Variants in CHLSN observed in about 807,000 individuals in gnomAD.
CHLSN encodes cholesin, also known as protein cholesin.
At chr7:1,063,035 G>C in the CHLSN span, among the ~76,000 whole-genome samples, 1 of 152,118 alleles carries the variant, frequency 6.6e-6, no homozygotes, top group African/African-American at 2.4e-5. Flanking sequence ...TGCCAAGCCT[G>C]AGCGTGTGAG....
At chr7:1,072,258 C>T in the CHLSN span, among the ~76,000 whole-genome samples, 3 of 152,330 alleles carry the variant, frequency 2.0e-5, no homozygotes, top group African/African-American at 7.2e-5. Context: ...CCCTTCTTCT[C>T]TCGCCACTCC....
At chr7:1,041,104 G>A in the CHLSN span, among the ~76,000 whole-genome samples, 1,280 of 151,974 alleles carry the variant, frequency 8.4e-3, 86 homozygotes, top group Admixed American at 0.074. Context: ...CTGTGCAGAC[G>A]GAATTTAGGA....
the CHLSN span, among the ~76,000 whole-genome samples, chr7:1,102,619 G>C: frequency 6.6e-6 from 1 of 151,786 alleles, no homozygotes; most frequent in African/African-American, 2.4e-5. Context: ...TTATTAAAAA[G>C]CTTTAAGAGA....
the CHLSN span, chr7:986,657 C>T: frequency 6.2e-7 from 1 of 1,612,740 alleles, no homozygotes; most frequent in South Asian, 1.1e-5. Context: ...CGGGGCCCTG[C>T]TCCAGCTGCA....
chr7:986,896 A>T, the CHLSN span: 2 of 1,370,838 alleles, frequency 1.5e-6, no homozygotes, highest in East Asian at 2.6e-5. Context: ...GTCCTGCACC[A>T]AGCTCCCTAC....
chr7:1,070,307 G>C, the CHLSN span, among the ~76,000 whole-genome samples: 1 of 141,600 alleles, frequency 7.1e-6, no homozygotes, highest in Non-Finnish European at 1.6e-5. Flanking sequence ...GGAGGGAGGT[G>C]GGGGGTCAGC....
chr7:1,019,214 G>C, the CHLSN span, among the ~76,000 whole-genome samples: 17 of 91,570 alleles, frequency 1.9e-4, no homozygotes, highest in African/African-American at 6.6e-4. Flanking sequence ...AAAAAAAACG[G>C]GGGGGGGGGA....
chr7:1,102,914 G>A, the CHLSN span, among the ~76,000 whole-genome samples: 12 of 152,226 alleles, frequency 7.9e-5, no homozygotes, highest in Admixed American at 2.0e-4. Flanking sequence ...AAAATGCCCC[G>A]TCCCCTGCAG....
chr7:1,045,631 ATAAT>A, the CHLSN span: 1 of 152,250 alleles, frequency 6.6e-6, no homozygotes, highest in Non-Finnish European at 1.5e-5. Context: ...GGCACTGTTA[ATAAT>A]TAGACGAAGT....
the CHLSN span, among the ~76,000 whole-genome samples, chr7:1,016,357 G>A: frequency 2.7e-3 from 107 of 39,856 alleles, 22 homozygotes; most frequent in African/African-American, 9.9e-3. Flanking sequence ...GCACGCCAGC[G>A]CACAGCAGCA....
the CHLSN span, among the ~76,000 whole-genome samples, chr7:999,623 G>T: frequency 2.0e-5 from 3 of 152,374 alleles, no homozygotes; most frequent in East Asian, 3.9e-4. Context: ...GTGGCTGCAG[G>T]CTATGCCTGG....
At chr7:1,054,923 G>A in the CHLSN span, among the ~76,000 whole-genome samples, 2 of 152,246 alleles carry the variant, frequency 1.3e-5, no homozygotes, top group African/African-American at 2.4e-5. Context: ...GCCTTCGCTC[G>A]ACAGTAGACC....
the CHLSN span, among the ~76,000 whole-genome samples, chr7:1,108,757 C>T: frequency 4.6e-5 from 7 of 152,182 alleles, no homozygotes; most frequent in Admixed American, 1.3e-4. Flanking sequence ...ACGCCCCTAC[C>T]GTGTGCACCC....
chr7:1,092,594 C>T, the CHLSN span: 1 of 1,611,626 alleles, frequency 6.2e-7, no homozygotes, highest in Non-Finnish European at 8.5e-7. Context: ...CGGACGCAGC[C>T]TGGGGCCGCT....
At chr7:1,026,435 G>A in the CHLSN span, 1 of 152,214 alleles carries the variant, frequency 6.6e-6, no homozygotes, top group Non-Finnish European at 1.5e-5. Flanking sequence ...GTCCTTCCTA[G>A]CTGTGAGAAC....
the CHLSN span, among the ~76,000 whole-genome samples, chr7:1,089,808 C>T: frequency 1.0e-3 from 158 of 151,114 alleles, no homozygotes; most frequent in African/African-American, 1.7e-3. Flanking sequence ...CCTGGCCCGG[C>T]GCGGTGGATC....
At chr7:1,066,909 G>A in the CHLSN span, among the ~76,000 whole-genome samples, 1 of 144,404 alleles carries the variant, frequency 6.9e-6, no homozygotes, top group African/African-American at 2.6e-5. Context: ...TGTTGGCGGA[G>A]GCTGGAGTGC....
chr7:1,005,310 C>G, the CHLSN span, among the ~76,000 whole-genome samples: 1 of 152,162 alleles, frequency 6.6e-6, no homozygotes, highest in Admixed American at 6.5e-5. Context: ...AATCAACCCA[C>G]AAAAAGCGGG....
the CHLSN span, among the ~76,000 whole-genome samples, chr7:1,061,654 C>A: frequency 0.11 from 17,424 of 152,164 alleles, 1,226 homozygotes; most frequent in Middle Eastern, 0.26. Flanking sequence ...CCAAAGCCTT[C>A]ACCTCATCAC....
Sources: allele counts gnomAD v4.1 joint callset (sites outside exome capture counted in the v4.1 genomes callset), GRCh38; gene constraint gnomAD v4.1.1; transcripts MANE v1.5; gene names NCBI Gene and HGNC (gene_info 2026-07-23, HGNC 2026-07-21).